Variants in CDS1 observed in about 807,000 individuals in gnomAD.
CDS1 encodes the protein CDP-diacylglycerol synthase 1, also known as phosphatidate cytidylyltransferase 1.
CDS1 carries 41 observed loss-of-function variants against 62.1 expected under a neutral mutation model. The ratio of observed to expected loss-of-function variants is 0.66; its 90% CI spans 0.51 to 0.86. CDS1 has a LOEUF of 0.86. Ranked by LOEUF, CDS1 falls within the 40% of genes least tolerant of loss-of-function variation. The probability of loss-of-function intolerance (pLI) is 0.00; values close to 1 mark genes in which losing one functional copy is unlikely to be tolerated. For missense variants in CDS1, 470 were observed against 550.1 expected, an observed-to-expected ratio of 0.85 and a Z score of 1.46; for synonymous variants, 185 against 192.6, an observed-to-expected ratio of 0.96 and a Z score of 0.32.
chr4:84,637,582 C>T (rs1440220014), intron 8 of CDS1, among the ~76,000 whole-genome samples: 1 of 152,130 alleles, frequency 6.6e-6, no homozygotes, highest in Non-Finnish European at 1.5e-5. Context: ...CACCAGGCCC[C>T]ACCTCCGACA....
rs1560481545 is a variant in CDS1, at chr4:84,635,620, TGCCTGCCTTCCTTCCTTCC to T, written c.810+270_810+288del. ...CTGCCTGCCTGCCTGCCTGCCTGCCTGCCTGCCTTCCTTCCTTCCTTCCTTCCTTCCTTCCTTCCTTCCT... is the reference window on the plus strand; with the variant it reads ...CTGCCTGCCTGCCTGCCTGCCTGCCTTTCCTTCCTTCCTTCCTTCCTTCCT... On this transcript the variant is annotated intron_variant, in intron 8 of 12. Coordinates refer to ENST00000295887, the MANE Select transcript of CDS1 (RefSeq NM_001263.4). Among the ~76,000 whole-genome samples the T allele has an allele frequency of 5.6e-3, 595 of 106,308 alleles. 13 individuals carry two copies. The highest frequency in any genetic ancestry group is 0.02 in the African/African-American group (556 of 27,656). 69.7% of individuals were successfully genotyped at this position (106,308 alleles called of 152,430 possible). A position where few individuals can be genotyped will look rare whatever the true frequency, so the allele number is the denominator to read the frequency against.
intron 12 of CDS1, among the ~76,000 whole-genome samples, chr4:84,646,375 T>A (rs1009206831): frequency 6.6e-6 from 1 of 152,208 alleles, no homozygotes; most frequent in Non-Finnish European, 1.5e-5. Flanking sequence ...ATGTTCAATA[T>A]GCTGTTCTTT....
At chr4:84,600,975 C>A (rs150273283) in intron 1 of CDS1, among the ~76,000 whole-genome samples, 23 of 151,874 alleles carry the variant, frequency 1.5e-4, no homozygotes, top group Non-Finnish European at 3.1e-4. Context: ...TCAAGACCAG[C>A]CTGGGAAACA....
chr4:84,585,952 C>G (rs1264195552), intron 1 of CDS1, among the ~76,000 whole-genome samples: 1 of 152,128 alleles, frequency 6.6e-6, no homozygotes, highest in Non-Finnish European at 1.5e-5. Flanking sequence ...TACCTGGAGA[C>G]TGTAGGAAAA....
chr4:84,645,196 G>C, intron 11 of CDS1, 26 bp from the exon 12 acceptor site: 2 of 1,472,140 alleles, frequency 1.4e-6, no homozygotes, highest in Non-Finnish European at 1.9e-6. Flanking sequence ...TTGAAAATTT[G>C]CTAATATATT....
chr4:84,635,022 T>TAATATTTTCCTTAGC (rs3840106), intron 7 of CDS1, among the ~76,000 whole-genome samples: 103,778 of 151,684 alleles, frequency 0.68, 37,335 homozygotes, highest in African/African-American at 0.92. Context: ...ATCAATAATT[T>TAATATTTTCCTTAGC]AATATTTTCC....
At chr4:84,627,365 G>A (rs1019374667) in intron 5 of CDS1, among the ~76,000 whole-genome samples, 2 of 152,142 alleles carry the variant, frequency 1.3e-5, no homozygotes, top group African/African-American at 4.8e-5. Flanking sequence ...AAATGAGTTT[G>A]ACTGATAGCA....
At chr4:84,629,503 A>G (rs1723958215) in intron 5 of CDS1, among the ~76,000 whole-genome samples, 1 of 152,232 alleles carries the variant, frequency 6.6e-6, no homozygotes, top group African/African-American at 2.4e-5. Context: ...TAATCTAGAA[A>G]TGATTTAAGA....
At chr4:84,624,825 A>T (rs1723806165) in intron 5 of CDS1, among the ~76,000 whole-genome samples, 2 of 151,060 alleles carry the variant, frequency 1.3e-5, no homozygotes, top group Non-Finnish European at 2.9e-5. Context: ...TCCATATATG[A>T]CTTTTTGGAC....
At position 84,612,588 on chromosome 4, in the gene CDS1, C is replaced by T. The variant is rs150315479; in HGVS notation, c.342+3063C>T. 9.7e-4 allele frequency among the ~76,000 whole-genome samples: 147 copies of T among 152,112 alleles called. 2 individuals are homozygous for T. The highest frequency in any genetic ancestry group is 3.3e-3 in the African/African-American group (136 of 41,518). On this transcript the variant is annotated intron_variant, in intron 3 of 12. Coordinates refer to ENST00000295887, the MANE Select transcript of CDS1 (RefSeq NM_001263.4). ...TTTAAGAGAACCATAAGTGTGCCTA[C>T]GGTACTTGAGTTTTTTTGTTTATTT...
At chr4:84,590,009 C>T (rs1239737920) in intron 1 of CDS1, among the ~76,000 whole-genome samples, 1 of 152,176 alleles carries the variant, frequency 6.6e-6, no homozygotes, top group East Asian at 1.9e-4. Flanking sequence ...GACGGGGTTT[C>T]ACAGTGTTAG....
intron 11 of CDS1, among the ~76,000 whole-genome samples, chr4:84,643,577 C>G (rs1346062735): frequency 6.6e-6 from 1 of 152,198 alleles, no homozygotes; most frequent in African/African-American, 2.4e-5. Flanking sequence ...AAAGGGCAAA[C>G]AATACATTTA....
At chr4:84,616,257 AC>A (rs1560473486) in intron 3 of CDS1, among the ~76,000 whole-genome samples, 1 of 152,216 alleles carries the variant, frequency 6.6e-6, no homozygotes, top group African/African-American at 2.4e-5. Context: ...TCTTTATAAC[AC>A]ATTTATGACT....
rs909377517 is a variant in CDS1, at chr4:84,649,365, G to A, written c.*679G>A. On this transcript the variant is annotated 3_prime_UTR_variant, in exon 13 of 13. Transcript: ENST00000295887. ...CTGATAAAATTGTTTGGAAGGTCAC[G>A]ACCTCGCAAAAACTTTTCAAGAGCA... 2 of 152,178 alleles carry A rather than the reference G, an allele frequency of 1.3e-5. No homozygotes were observed. Among genetic ancestry groups the A allele is most frequent in the African/African-American group, 4.8e-5 (2 of 41,430 alleles). The allele number at this position is 152,178 out of a possible 1,614,324, so 9.4% of individuals were successfully genotyped here.
intron 5 of CDS1, among the ~76,000 whole-genome samples, chr4:84,626,070 C>T (rs1347716493): frequency 2.0e-5 from 3 of 151,894 alleles, no homozygotes; most frequent in Admixed American, 6.6e-5. Context: ...GGGAGGCTGA[C>T]GCAGGGGAAT....
At chr4:84,622,507 C>T (rs928985525) in intron 5 of CDS1, among the ~76,000 whole-genome samples, 14 of 152,134 alleles carry the variant, frequency 9.2e-5, no homozygotes, top group Admixed American at 2.6e-4. Flanking sequence ...GCAAGAGAAT[C>T]GCTGTAACCT....
At position 84,589,136 on chromosome 4, in the gene CDS1, A is replaced by G. The variant is rs116329013; in HGVS notation, c.117+5618A>G. 3.6e-3 allele frequency among the ~76,000 whole-genome samples: 548 copies of G among 152,338 alleles called. 4 individuals are homozygous for G. The highest frequency in any genetic ancestry group is 0.013 in the African/African-American group (535 of 41,588). ...TGGTTTTATTTACAGAAGCATTACA[A>G]AGATTTCTATGTACTTTTCACCGAC... On this transcript the variant is annotated intron_variant, in intron 1 of 12. Transcript: ENST00000295887.
At chr4:84,620,222 T>G (rs1029845255) in intron 5 of CDS1, among the ~76,000 whole-genome samples, 54 of 128,156 alleles carry the variant, frequency 4.2e-4, no homozygotes, top group Non-Finnish European at 7.8e-4. Context: ...ATTAGTTGTT[T>G]TTTTTTTTTT....
intron 6 of CDS1, among the ~76,000 whole-genome samples, chr4:84,633,569 C>T (rs988585096): frequency 6.6e-6 from 1 of 152,110 alleles, no homozygotes; most frequent in Non-Finnish European, 1.5e-5. Flanking sequence ...TCTAATGATT[C>T]AAGATAATGG....
Sources: gnomAD v4.1 joint callset for allele counts (sites outside exome capture counted in the v4.1 genomes callset) on GRCh38, gnomAD v4.1.1 for gene constraint, MANE v1.5 for transcripts, NCBI Gene and HGNC (gene_info 2026-07-23, HGNC 2026-07-21) for gene names.